Variants in RNF38 observed in about 807,000 individuals in gnomAD.
RNF38 encodes the protein ring finger protein 38, also known as E3 ubiquitin-protein ligase RNF38.
A neutral mutation model predicts 67.2 loss-of-function variants in RNF38; 15 were observed. That is an observed-to-expected ratio of 0.22 (90% CI 0.15 to 0.34). The LOEUF (loss-of-function observed/expected upper bound fraction) is 0.34, where lower values mean the gene tolerates loss of function less well. Ranked by LOEUF, RNF38 falls within the 10% of genes least tolerant of loss-of-function variation. The pLI, the probability that RNF38 is intolerant of heterozygous loss-of-function variation, is 1.00. For missense variants in RNF38, 524 were observed against 639.9 expected, an observed-to-expected ratio of 0.82 and a Z score of 1.95; for synonymous variants, 220 against 218.8, an observed-to-expected ratio of 1.01 and a Z score of -0.05.
At chr9:36,362,470 C>CAA (rs57951615) in intron 4 of RNF38, among the ~76,000 whole-genome samples, 33 of 135,258 alleles carry the variant, frequency 2.4e-4, no homozygotes, top group African/African-American at 8.8e-4. Flanking sequence ...ATCAAGACTA[C>CAA]AAAAAAAAAA....
At chr9:36,436,803 C>G (rs1344764809) in intron 1 of RNF38, among the ~76,000 whole-genome samples, 1 of 113,884 alleles carries the variant, frequency 8.8e-6, no homozygotes, top group African/African-American at 3.6e-5. Flanking sequence ...GCACGGGCGA[C>G]AGAGCGAGAC....
intron 1 of RNF38, among the ~76,000 whole-genome samples, chr9:36,446,593 G>A (rs986735733): frequency 6.6e-6 from 1 of 151,914 alleles, no homozygotes; most frequent in African/African-American, 2.4e-5. Flanking sequence ...GATCACTTGA[G>A]GTCAGGAGTT....
upstream of RNF38, among the ~76,000 whole-genome samples, chr9:36,403,266 C>T (rs117026821): frequency 0.017 from 2,532 of 152,328 alleles, 36 homozygotes; most frequent in Middle Eastern, 0.065. Flanking sequence ...TATTTGGTGT[C>T]TGTCCACAAA....
intron 1 of RNF38, among the ~76,000 whole-genome samples, chr9:36,398,096 T>C (rs1301812082): frequency 6.6e-6 from 1 of 152,228 alleles, no homozygotes; most frequent in East Asian, 1.9e-4. Flanking sequence ...ATTCAAATAA[T>C]TATTGCTTGC....
intron 5 of RNF38, among the ~76,000 whole-genome samples, chr9:36,356,810 A>G (rs531294216): frequency 6.6e-6 from 1 of 152,254 alleles, no homozygotes; most frequent in Non-Finnish European, 1.5e-5. Context: ...TTTAAGATGT[A>G]GCAAACACTA....
chr9:36,364,827 A>C (rs1299671514), intron 4 of RNF38, among the ~76,000 whole-genome samples: 1 of 152,232 alleles, frequency 6.6e-6, no homozygotes, highest in Non-Finnish European at 1.5e-5. Context: ...ACAGTCTGCG[A>C]ATCTGCAGTT....
intron 3 of RNF38, among the ~76,000 whole-genome samples, chr9:36,374,450 G>GTC (rs1249359244): frequency 2.0e-5 from 3 of 152,146 alleles, no homozygotes; most frequent in Non-Finnish European, 4.4e-5. Context: ...ACATCTCACT[G>GTC]TCTCCTCATA....
intron 1 of RNF38, among the ~76,000 whole-genome samples, chr9:36,451,168 A>T (rs1244451154): frequency 6.6e-6 from 1 of 151,414 alleles, no homozygotes; most frequent in Non-Finnish European, 1.5e-5. Flanking sequence ...TCAACAAATA[A>T]ACTGCAGTAT....
At chr9:36,450,219 A>G (rs1839404503) in intron 1 of RNF38, among the ~76,000 whole-genome samples, 1 of 152,156 alleles carries the variant, frequency 6.6e-6, no homozygotes, top group Non-Finnish European at 1.5e-5. Context: ...GCCCCCAACA[A>G]AAACCCTGTA....
chr9:36,387,617 A>G (rs1403319495), intron 2 of RNF38, among the ~76,000 whole-genome samples: 1 of 152,238 alleles, frequency 6.6e-6, no homozygotes, highest in African/African-American at 2.4e-5. Flanking sequence ...ACAAACCTAT[A>G]TGCTAAAAAA....
At chr9:36,343,054 T>A (rs1832963179) in intron 10 of RNF38, among the ~76,000 whole-genome samples, 1 of 152,138 alleles carries the variant, frequency 6.6e-6, no homozygotes, top group Admixed American at 6.6e-5. Flanking sequence ...ACTATAATAC[T>A]TAATACAATG....
rs941284084 is a variant in RNF38 at position 36,367,302 on chromosome 9, T to C, written c.570+2417A>G. On this transcript the variant is annotated intron_variant, in intron 4 of 11. Transcript: ENST00000259605. Reference sequence around the variant, plus strand: ...TTTTATCTAGCACGCTCGGTTGTCCTCAAGCAAAAGGAATGCTATCAATAA... The same window carrying C: ...TTTTATCTAGCACGCTCGGTTGTCCCCAAGCAAAAGGAATGCTATCAATAA... Among the ~76,000 whole-genome samples the C allele has an allele frequency of 2.6e-5, 4 of 152,302 alleles. No individual in the cohort carries two copies. In the South Asian group the frequency reaches 8.3e-4, roughly 32 times the overall value.
intron 2 of RNF38, among the ~76,000 whole-genome samples, chr9:36,411,824 C>A (rs1401249715): frequency 1.3e-5 from 2 of 152,068 alleles, no homozygotes; most frequent in African/African-American, 4.8e-5. Flanking sequence ...CCACCTCAGC[C>A]CTCCAAGGTG....
At chr9:36,382,164 C>T (rs1836259354) in intron 2 of RNF38, among the ~76,000 whole-genome samples, 1 of 152,160 alleles carries the variant, frequency 6.6e-6, no homozygotes, top group Non-Finnish European at 1.5e-5. Context: ...TTCAAAGTAC[C>T]AAGTGTTGAC....
intron 1 of RNF38, among the ~76,000 whole-genome samples, chr9:36,480,556 T>C (rs908674638): frequency 1.4e-5 from 2 of 143,044 alleles, no homozygotes; most frequent in African/African-American, 5.2e-5. Context: ...TTCTTTTTTT[T>C]TTTTTTTTTT....
intron 2 of RNF38, among the ~76,000 whole-genome samples, chr9:36,422,995 C>T (rs979933584): frequency 3.9e-5 from 6 of 152,278 alleles, no homozygotes; most frequent in South Asian, 2.1e-4. Flanking sequence ...ACTAGCATAA[C>T]ACACTTAGCA....
chr9:36,423,822 G>A (rs1324998673), intron 2 of RNF38, among the ~76,000 whole-genome samples: 1 of 88,576 alleles, frequency 1.1e-5, no homozygotes, highest in East Asian at 2.7e-4. Flanking sequence ...GGTGGCGGGC[G>A]CCTGTAGTCC....
chr9:36,339,848 T>A, intron 11 of RNF38, 34 bp from the exon 12 acceptor site: 1 of 1,544,552 alleles, frequency 6.5e-7, no homozygotes, highest in Non-Finnish European at 8.9e-7. Context: ...GTTTAAATTG[T>A]GACACATACA....
chr9:36,440,756 T>G (rs745793640), intron 1 of RNF38, among the ~76,000 whole-genome samples: 1 of 152,198 alleles, frequency 6.6e-6, no homozygotes, highest in Non-Finnish European at 1.5e-5. Flanking sequence ...TGTTTGCATC[T>G]TCTACAATAT....
Sources: allele counts gnomAD v4.1 joint callset (sites outside exome capture counted in the v4.1 genomes callset), GRCh38; gene constraint gnomAD v4.1.1; transcripts MANE v1.5; gene names NCBI Gene and HGNC (gene_info 2026-07-23, HGNC 2026-07-21).